The following KTN1 variants were observed in gnomAD, a reference collection of about 807,000 sequenced individuals.
The protein encoded by KTN1 is kinectin 1.
KTN1 carries 130 observed loss-of-function variants against 222.5 expected under a neutral mutation model. That is an observed-to-expected ratio of 0.58 (90% CI 0.51 to 0.68). The LOEUF (loss-of-function observed/expected upper bound fraction) is 0.68, where lower values mean the gene tolerates loss of function less well. Among genes scored for constraint, KTN1 ranks in the 30% least tolerant of loss-of-function variants. The pLI, the probability that KTN1 is intolerant of heterozygous loss-of-function variation, is 0.00. For missense variants in KTN1, 1,508 were observed against 1,500.4 expected (o/e 1.01, Z -0.08); for synonymous variants, 512 against 496.3 (o/e 1.03, Z -0.42).
At chr14:55,610,667 A>G (rs903516263) in intron 1 of KTN1, among the ~76,000 whole-genome samples, 1 of 152,228 alleles carries the variant, frequency 6.6e-6, no homozygotes, top group African/African-American at 2.4e-5. Flanking sequence ...ATGTTTAATT[A>G]TATCTGTATT....
At chr14:55,680,011 A>T (rs1450745919) in intron 43 of KTN1, 2 of 236,412 alleles carry the variant, frequency 8.5e-6, no homozygotes, top group African/African-American at 2.3e-5. Context: ...AGTTTAGAGT[A>T]AGTATCTGTG....
chr14:55,652,393 C>CTTT lies in KTN1; in HGVS notation c.2604-436_2604-434dup, dbSNP rs769501863. Reference sequence around the variant, plus strand: ...TGATTGTCTCCAAAATCTTAAATGCCTTTTTTTTTTTTTTTTTTTTTTTGA... The same window carrying CTTT: ...TGATTGTCTCCAAAATCTTAAATGCCTTTTTTTTTTTTTTTTTTTTTTTTTTGA... On this transcript the variant is annotated intron_variant, in intron 25 of 43. Coordinates refer to ENST00000395314, the MANE Select transcript of KTN1 (RefSeq NM_001079521.2). Among the ~76,000 whole-genome samples the CTTT allele has an allele frequency of 1.3e-3, 154 of 117,394 alleles. 1 individual carries two copies. The highest frequency in any genetic ancestry group is 3.1e-3 in the East Asian group (12 of 3,902). 77.0% of individuals were successfully genotyped at this position (117,394 alleles called of 152,430 possible). A position where few individuals can be genotyped will look rare whatever the true frequency, so the allele number is the denominator to read the frequency against.
At chr14:55,616,431 C>A in intron 2 of KTN1, 86 bp from the exon 3 acceptor site, 1 of 1,249,992 alleles carries the variant, frequency 8.0e-7, no homozygotes, top group Non-Finnish European at 1.1e-6. Flanking sequence ...AGTGGTAAAA[C>A]ATTCTGGGAA....
intron 34 of KTN1, among the ~76,000 whole-genome samples, chr14:55,670,212 A>T (rs1460967426): frequency 6.6e-6 from 1 of 152,054 alleles, no homozygotes; most frequent in Non-Finnish European, 1.5e-5. Context: ...TTTGAATGAA[A>T]TAATTTTAGA....
chr14:55,612,287 T>A lies in KTN1; in HGVS notation c.239T>A (p.Val80Glu), dbSNP rs780046081. Residue 80 changes from valine (V) to glutamate (E), a missense_variant, in exon 2 of 44, where the codon GTA (valine) becomes GAA (glutamate). Val to Glu is a moderately radical substitution (Grantham distance 121). Coordinates refer to ENST00000395314, the MANE Select transcript of KTN1 (RefSeq NM_001079521.2). ...GNLHESDSES[V>E]PRDFKLSDAL... Reference sequence around the variant, plus strand: ...CTCCATGAATCCGACTCTGAGAGTGTACCTCGAGACTTTAAATTATCAGAT... The same window carrying A: ...CTCCATGAATCCGACTCTGAGAGTGAACCTCGAGACTTTAAATTATCAGAT... 2.5e-6 allele frequency: 4 copies of A among 1,612,248 alleles called. No homozygotes were observed. Among genetic ancestry groups the A allele is most frequent in the Non-Finnish European group, 2.5e-6 (3 of 1,179,684 alleles).
At chr14:55,680,272 A>G (rs1260432123) in intron 43 of KTN1, 4 of 159,576 alleles carry the variant, frequency 2.5e-5, no homozygotes, top group South Asian at 3.6e-4. Flanking sequence ...ATGAGCTTTT[A>G]TTGTCTATAT....
At chr14:55,651,572 C>A in intron 24 of KTN1, 1 of 366,422 alleles carries the variant, frequency 2.7e-6, no homozygotes, top group South Asian at 2.6e-5. Context: ...ACTGATTGAT[C>A]ACAACCAGTT....
chr14:55,678,230 G>A, intron 41 of KTN1, 122 bp from the exon 42 acceptor site: 1 of 618,376 alleles, frequency 1.6e-6, no homozygotes, highest in Non-Finnish European at 2.8e-6. Context: ...CATTTTGGAG[G>A]GAAAAACCTG....
chr14:55,596,886 A>G (rs76201070), intron 1 of KTN1, among the ~76,000 whole-genome samples: 3 of 152,026 alleles, frequency 2.0e-5, no homozygotes, highest in South Asian at 2.1e-4. Context: ...TTCCAATTCA[A>G]GGTAATTATA....
At chr14:55,675,714 G>T in intron 40 of KTN1, 121 bp from the exon 41 acceptor site, 1 of 611,096 alleles carries the variant, frequency 1.6e-6, no homozygotes, top group Non-Finnish European at 2.9e-6. Flanking sequence ...GCAGCATATT[G>T]GCTAATCCAC....
intron 5 of KTN1, among the ~76,000 whole-genome samples, chr14:55,623,177 T>A (rs138097325): frequency 1.3e-3 from 193 of 152,400 alleles, no homozygotes; most frequent in Non-Finnish European, 2.3e-3. Context: ...ACAGCATTTA[T>A]CATAGCACTA....
intron 7 of KTN1, 102 bp downstream of exon 7, chr14:55,630,199 A>T: frequency 2.0e-6 from 2 of 1,017,618 alleles, no homozygotes; most frequent in Non-Finnish European, 3.0e-6. Flanking sequence ...TGGGCCATCA[A>T]CATACAGTGG....
chr14:55,680,979 C>T (rs969681156), intron 43 of KTN1: 4 of 331,744 alleles, frequency 1.2e-5, no homozygotes, highest in African/African-American at 8.6e-5. Context: ...TTTCCACTGG[C>T]TCCCTCTGTT....
intron 35 of KTN1, 91 bp downstream of exon 35, chr14:55,670,900 A>G: frequency 1.3e-6 from 1 of 792,116 alleles, no homozygotes; most frequent in Non-Finnish European, 2.0e-6. Flanking sequence ...AAGATAAAAG[A>G]TAATCGAATA....
At chr14:55,589,195 T>G (rs1020117539) in intron 1 of KTN1, among the ~76,000 whole-genome samples, 1 of 152,238 alleles carries the variant, frequency 6.6e-6, no homozygotes, top group African/African-American at 2.4e-5. Flanking sequence ...ATTAATTACC[T>G]GGCATAAATT....
chr14:55,592,353 A>G (rs1243762469), intron 1 of KTN1, among the ~76,000 whole-genome samples: 2 of 152,216 alleles, frequency 1.3e-5, no homozygotes, highest in Non-Finnish European at 2.9e-5. Context: ...GTTTATTTAT[A>G]GATGCTTTGA....
At position 55,613,621 on chromosome 14, in the gene KTN1, G is replaced by A. The variant is rs1032533656; in HGVS notation, c.523+1050G>A. Among the ~76,000 whole-genome samples the A allele has an allele frequency of 2.2e-5, 3 of 135,056 alleles. No homozygotes were observed. In the East Asian group the frequency reaches 6.0e-4, roughly 27 times the overall value. The allele number at this position is 135,056 out of a possible 152,430, so 88.6% of individuals were successfully genotyped here. A position where few individuals can be genotyped will look rare whatever the true frequency, so the allele number is the denominator to read the frequency against. On this transcript the variant is annotated intron_variant, in intron 2 of 43. Coordinates refer to ENST00000395314, the MANE Select transcript of KTN1 (RefSeq NM_001079521.2). Reference sequence around the variant, plus strand: ...TGATTCTCCTGCCTCAGCCTCCCGAGTAGCTGGAATTATAGGCGTGTATTT... The same window carrying A: ...TGATTCTCCTGCCTCAGCCTCCCGAATAGCTGGAATTATAGGCGTGTATTT...
intron 18 of KTN1, among the ~76,000 whole-genome samples, chr14:55,643,457 TCTTA>T (rs1043493036): frequency 6.6e-6 from 1 of 152,178 alleles, no homozygotes; most frequent in African/African-American, 2.4e-5. Flanking sequence ...GTGTGTGTGT[TCTTA>T]CTTGGAAAAG....
intron 9 of KTN1, 67 bp downstream of exon 9, chr14:55,634,725 T>C (rs917839043): frequency 4.9e-5 from 68 of 1,381,844 alleles, no homozygotes; most frequent in Non-Finnish European, 6.0e-5. Flanking sequence ...GTTTTCATAC[T>C]GGTATGAAGA....
Sources: gnomAD v4.1 joint callset for allele counts (sites outside exome capture counted in the v4.1 genomes callset) on GRCh38, gnomAD v4.1.1 for gene constraint, MANE v1.5 for transcripts, NCBI Gene and HGNC (gene_info 2026-07-23, HGNC 2026-07-21) for gene names.